The following ADGRB3 variants were observed in gnomAD, a reference collection of about 807,000 sequenced individuals.
The protein encoded by ADGRB3 is brain-specific angiogenesis inhibitor 3.
In ADGRB3, 37 loss-of-function variants were observed where a neutral mutation model predicts 193.4. The ratio of observed to expected loss-of-function variants is 0.19; its 90% CI spans 0.15 to 0.25. The LOEUF (loss-of-function observed/expected upper bound fraction) is 0.25. Ranked by LOEUF, ADGRB3 falls within the 10% of genes least tolerant of loss-of-function variation. ADGRB3 has a pLI of 1.00. For missense variants in ADGRB3, 1,637 were observed against 1,852.9 expected, an observed-to-expected ratio of 0.88 and a Z score of 2.14; for synonymous variants, 690 against 644.2, an observed-to-expected ratio of 1.07 and a Z score of -1.08.
intron 3 of ADGRB3, among the ~76,000 whole-genome samples, chr6:68,922,989 A>T (rs1767085858): frequency 1.3e-5 from 2 of 152,174 alleles, no homozygotes; most frequent in Non-Finnish European, 2.9e-5. Flanking sequence ...CCATGATCTT[A>T]GTTCATTTCT....
chr6:68,664,329 ATATGTTGAAATCCT>A (rs1406899658), intron 3 of ADGRB3, among the ~76,000 whole-genome samples: 1 of 151,756 alleles, frequency 6.6e-6, no homozygotes, highest in Non-Finnish European at 1.5e-5. Context: ...CTTCAAATTC[ATATGTTGAAATCCT>A]AATGCTAATG....
intron 17 of ADGRB3, among the ~76,000 whole-genome samples, chr6:69,173,184 T>C (rs976358772): frequency 1.3e-5 from 2 of 152,162 alleles, no homozygotes; most frequent in South Asian, 2.1e-4. Flanking sequence ...ATTATGGGCA[T>C]GTACCACCAC....
At chr6:68,722,440 C>T (rs1335932009) in intron 3 of ADGRB3, among the ~76,000 whole-genome samples, 2 of 151,612 alleles carry the variant, frequency 1.3e-5, no homozygotes, top group African/African-American at 2.4e-5. Flanking sequence ...GACAAACCTG[C>T]ACTTTCTGCA....
chr6:69,178,185 GC>G (rs1316567000), intron 17 of ADGRB3, among the ~76,000 whole-genome samples: 1 of 152,052 alleles, frequency 6.6e-6, no homozygotes, highest in Non-Finnish European at 1.5e-5. Context: ...ATGATGTAAT[GC>G]CCTTATTTGT....
At chr6:68,918,061 A>G (rs1435575587) in intron 3 of ADGRB3, among the ~76,000 whole-genome samples, 1 of 152,228 alleles carries the variant, frequency 6.6e-6, no homozygotes, top group Admixed American at 6.5e-5. Flanking sequence ...AGGGATTTTA[A>G]TTACTGGAAA....
At chr6:68,823,017 T>C (rs1434721332) in intron 3 of ADGRB3, among the ~76,000 whole-genome samples, 1 of 151,806 alleles carries the variant, frequency 6.6e-6, no homozygotes, top group Non-Finnish European at 1.5e-5. Context: ...TGATTGCTAC[T>C]TTCAAATAAT....
intron 10 of ADGRB3, among the ~76,000 whole-genome samples, chr6:68,988,216 TAAC>T (rs1290418592): frequency 6.6e-6 from 1 of 152,108 alleles, no homozygotes; most frequent in Non-Finnish European, 1.5e-5. Flanking sequence ...ATGGATAAGA[TAAC>T]AACACAAACA....
chr6:69,331,839 T>C, intron 23 of ADGRB3: 12 of 984,944 alleles, frequency 1.2e-5, no homozygotes, highest in Non-Finnish European at 1.4e-5. Flanking sequence ...ATCCATAGAA[T>C]ACACTTTTTC....
intron 17 of ADGRB3, among the ~76,000 whole-genome samples, chr6:69,143,222 T>G (rs953445330): frequency 6.6e-6 from 1 of 152,224 alleles, no homozygotes; most frequent in Non-Finnish European, 1.5e-5. Flanking sequence ...TCATTTTAAT[T>G]GAATTCACAG....
chr6:69,216,050 TA>T (rs1458109966), intron 17 of ADGRB3, among the ~76,000 whole-genome samples: 8 of 152,252 alleles, frequency 5.3e-5, no homozygotes, highest in Non-Finnish European at 1.5e-5. Context: ...CTACACAGCA[TA>T]TTTTTTGGCT....
intron 3 of ADGRB3, among the ~76,000 whole-genome samples, chr6:68,877,771 CT>C (rs545077180): frequency 3.4e-3 from 516 of 152,142 alleles, no homozygotes; most frequent in African/African-American, 0.012. Flanking sequence ...ATATCAAGGA[CT>C]TTTTTTAATA....
rs567440803 is a variant in ADGRB3, at chr6:68,973,150, G to A, written c.1526-1613G>A. ...AGAGGACTATCTTAAACAATTCAAG[G>A]TCATGAAGAGTATATGTGGGAAAAG... On this transcript the variant is annotated intron_variant, in intron 8 of 31. Transcript: ENST00000370598. Among the ~76,000 whole-genome samples, 36 of 152,244 alleles carry A rather than the reference G, an allele frequency of 2.4e-4. No homozygotes were observed. In the South Asian group the frequency reaches 7.3e-3, roughly 31 times the overall value.
intron 3 of ADGRB3, among the ~76,000 whole-genome samples, chr6:68,784,026 T>C (rs2127362581): frequency 6.6e-6 from 1 of 152,230 alleles, no homozygotes; most frequent in Non-Finnish European, 1.5e-5. Context: ...TTTCTATAAA[T>C]GCTTGATTGG....
intron 3 of ADGRB3, among the ~76,000 whole-genome samples, chr6:68,721,901 C>A (rs1765589604): frequency 6.6e-6 from 1 of 151,114 alleles, no homozygotes; most frequent in Non-Finnish European, 1.5e-5. Flanking sequence ...GATTAAGCAT[C>A]TTTTTAATGT....
At chr6:69,005,220 A>C (rs1314048748) in intron 11 of ADGRB3, among the ~76,000 whole-genome samples, 1 of 151,666 alleles carries the variant, frequency 6.6e-6, no homozygotes, top group Non-Finnish European at 1.5e-5. Context: ...TGTAGGCAAT[A>C]CTGAGCTCAT....
chr6:68,949,135 T>C (rs1041641714), intron 6 of ADGRB3, among the ~76,000 whole-genome samples: 1 of 152,130 alleles, frequency 6.6e-6, no homozygotes, highest in Non-Finnish European at 1.5e-5. Flanking sequence ...TAAGAGATTT[T>C]GGAAGAAATA....
At chr6:69,230,637 T>C (rs1384993869) in intron 17 of ADGRB3, among the ~76,000 whole-genome samples, 1 of 152,220 alleles carries the variant, frequency 6.6e-6, no homozygotes, top group African/African-American at 2.4e-5. Flanking sequence ...GAGTTTTATA[T>C]GATTTAAAAG....
intron 13 of ADGRB3, among the ~76,000 whole-genome samples, chr6:69,039,110 A>G (rs2150297262): frequency 6.6e-6 from 1 of 152,306 alleles, no homozygotes; most frequent in East Asian, 1.9e-4. Flanking sequence ...CTGTCAAGGT[A>G]TAGCAGTACT....
At chr6:69,302,894 G>T (rs1370101596) in intron 20 of ADGRB3, among the ~76,000 whole-genome samples, 1 of 151,930 alleles carries the variant, frequency 6.6e-6, no homozygotes. Context: ...TCATGAAAGA[G>T]ACTGGATGTG....
Sources: gnomAD v4.1 joint callset for allele counts (sites outside exome capture counted in the v4.1 genomes callset) on GRCh38, gnomAD v4.1.1 for gene constraint, MANE v1.5 for transcripts, NCBI Gene and HGNC (gene_info 2026-07-23, HGNC 2026-07-21) for gene names.